KCNIP4: variants seen among roughly 807,000 people sequenced by gnomAD.
KCNIP4 encodes the protein potassium voltage-gated channel interacting protein 4.
In KCNIP4, 12 loss-of-function variants were observed where a neutral mutation model predicts 34.0. That is an observed-to-expected ratio of 0.35 (90% CI 0.23 to 0.57). The LOEUF (loss-of-function observed/expected upper bound fraction) is 0.57. Among genes scored for constraint, KCNIP4 ranks in the 20% least tolerant of loss-of-function variants. KCNIP4 has a pLI of 0.83. For missense variants in KCNIP4, 238 were observed against 311.7 expected (o/e 0.76, Z 1.78); for synonymous variants, 124 against 102.2 (o/e 1.21, Z -1.29).
At chr4:21,176,816 C>T (rs1006784430) in intron 1 of KCNIP4, among the ~76,000 whole-genome samples, 2 of 152,194 alleles carry the variant, frequency 1.3e-5, no homozygotes, top group Non-Finnish European at 2.9e-5. Context: ...CCACCATGCC[C>T]GGCCTTGTTC....
At chr4:21,630,315 A>G (rs1745662534) in intron 1 of KCNIP4, among the ~76,000 whole-genome samples, 1 of 151,958 alleles carries the variant, frequency 6.6e-6, no homozygotes, top group Non-Finnish European at 1.5e-5. Context: ...AAATACAAAA[A>G]TTAGCTGGGC....
chr4:20,922,460 G>C (rs775133165), intron 1 of KCNIP4, among the ~76,000 whole-genome samples: 19 of 152,080 alleles, frequency 1.2e-4, no homozygotes, highest in Admixed American at 1.2e-3. Context: ...TGGCTATCCT[G>C]GTTTGCCAGC....
chr4:21,038,948 G>A (rs138397068), intron 1 of KCNIP4, among the ~76,000 whole-genome samples: 142 of 152,274 alleles, frequency 9.3e-4, no homozygotes, highest in African/African-American at 3.3e-3. Context: ...TCCTGTGAAG[G>A]CTGGCATCCA....
chr4:21,911,360 A>G (rs1286231216), intron 1 of KCNIP4, among the ~76,000 whole-genome samples: 1 of 152,138 alleles, frequency 6.6e-6, no homozygotes, highest in Non-Finnish European at 1.5e-5. Flanking sequence ...TTTACAAAGA[A>G]AAAGAAAACT....
rs1717669450 is a variant in KCNIP4 at position 21,757,203 on chromosome 4, GAAAGAAAGAAA to G, written c.61+191357_61+191367del. On this transcript the variant is annotated intron_variant, in intron 1 of 8. Coordinates refer to ENST00000382152, the MANE Select transcript of KCNIP4 (RefSeq NM_025221.6). ...GGAAGGAAGGAAGGAAGGAAGGAAAGAAAGAAAGAAAGAAAGAAAGAAAGAAAGAAAGAAAG... is the reference window on the plus strand; with the variant it reads ...GGAAGGAAGGAAGGAAGGAAGGAAAGGAAAGAAAGAAAGAAAGAAAGAAAG... 3.6e-3 allele frequency among the ~76,000 whole-genome samples: 65 copies of G among 18,052 alleles called. 1 individual carries two copies. The highest frequency in any genetic ancestry group is 0.018 in the Admixed American group (34 of 1,922). The allele number at this position is 18,052 out of a possible 152,430, so 11.8% of individuals were successfully genotyped here.
At chr4:21,678,020 G>A (rs1270017659) in intron 1 of KCNIP4, among the ~76,000 whole-genome samples, 1 of 152,146 alleles carries the variant, frequency 6.6e-6, no homozygotes, top group African/African-American at 2.4e-5. Context: ...CCAAAGTGCT[G>A]GGACTACAGG....
At chr4:21,912,382 T>C (rs1414008899) in intron 1 of KCNIP4, among the ~76,000 whole-genome samples, 1 of 152,224 alleles carries the variant, frequency 6.6e-6, no homozygotes, top group Non-Finnish European at 1.5e-5. Context: ...AGTCTCCATA[T>C]TAAGTGTCAG....
chr4:21,904,837 C>A (rs1727906249), intron 1 of KCNIP4, among the ~76,000 whole-genome samples: 1 of 152,100 alleles, frequency 6.6e-6, no homozygotes, highest in South Asian at 2.1e-4. Context: ...GTCACAACAA[C>A]CATAAACATC....
chr4:20,896,862 G>A (rs1726590494), intron 1 of KCNIP4, among the ~76,000 whole-genome samples: 1 of 151,712 alleles, frequency 6.6e-6, no homozygotes, highest in African/African-American at 2.4e-5. Context: ...ATAGAACAAT[G>A]TCTGCACACA....
At chr4:21,512,180 GGAACGAAC>G (rs1369898525) in intron 1 of KCNIP4, among the ~76,000 whole-genome samples, 5 of 140,580 alleles carry the variant, frequency 3.6e-5, no homozygotes, top group Non-Finnish European at 7.5e-5. Context: ...GAGGAAGGAA[GGAACGAAC>G]GAAGGAACGA....
intron 1 of KCNIP4, among the ~76,000 whole-genome samples, chr4:21,137,552 T>A (rs995892294): frequency 2.6e-5 from 4 of 152,214 alleles, no homozygotes; most frequent in African/African-American, 9.6e-5. Context: ...TAGCATCTTA[T>A]CATCTAGTCA....
intron 1 of KCNIP4, among the ~76,000 whole-genome samples, chr4:21,046,935 T>G (rs1742481854): frequency 6.6e-6 from 1 of 152,222 alleles, no homozygotes; most frequent in African/African-American, 2.4e-5. Flanking sequence ...GTTGTTTGTT[T>G]TAAGACGAAG....
chr4:21,655,258 C>T (rs1457959636), intron 1 of KCNIP4, among the ~76,000 whole-genome samples: 2 of 152,146 alleles, frequency 1.3e-5, no homozygotes, highest in African/African-American at 4.8e-5. Flanking sequence ...CCATATGCCT[C>T]GGTGGCTGAG....
In KCNIP4 at chr4:20,985,852, A is replaced by ACTAGAAGTATT. The variant is rs1175472359; in HGVS notation, c.62-103154_62-103144dup. Among the ~76,000 whole-genome samples the ACTAGAAGTATT allele has an allele frequency of 2.6e-5, 4 of 152,202 alleles. 1 individual carries two copies. The highest frequency in any genetic ancestry group is 9.7e-5 in the African/African-American group (4 of 41,448). ...GTCCATAATGGTAACCTGAATCATT[A>ACTAGAAGTATT]CTAGAAGTATTATAGTATACCATGC... On this transcript the variant is annotated intron_variant, in intron 1 of 8. Coordinates refer to ENST00000382152, the MANE Select transcript of KCNIP4 (RefSeq NM_025221.6).
At chr4:21,813,604 A>G (rs886735285) in intron 1 of KCNIP4, among the ~76,000 whole-genome samples, 4 of 152,206 alleles carry the variant, frequency 2.6e-5, no homozygotes, top group African/African-American at 7.2e-5. Context: ...ATAAAGAAAC[A>G]TAAGTAAATG....
chr4:21,808,099 T>C (rs1721411155), intron 1 of KCNIP4, among the ~76,000 whole-genome samples: 1 of 152,228 alleles, frequency 6.6e-6, no homozygotes, highest in Non-Finnish European at 1.5e-5. Context: ...CATATGTATA[T>C]CATATATCAT....
chr4:21,823,839 C>G (rs752124402), intron 1 of KCNIP4, among the ~76,000 whole-genome samples: 1 of 152,130 alleles, frequency 6.6e-6, no homozygotes, highest in Non-Finnish European at 1.5e-5. Context: ...AAAAAAATGA[C>G]CACCGATTTT....
chr4:21,921,195 C>A (rs115703180), intron 1 of KCNIP4, among the ~76,000 whole-genome samples: 1 of 152,018 alleles, frequency 6.6e-6, no homozygotes, highest in Admixed American at 6.6e-5. Context: ...TCAGCTGTCA[C>A]GCCTTCCTTC....
intron 1 of KCNIP4, among the ~76,000 whole-genome samples, chr4:21,811,749 C>T (rs1313228679): frequency 6.6e-6 from 1 of 152,156 alleles, no homozygotes; most frequent in Non-Finnish European, 1.5e-5. Flanking sequence ...TGTGGAATGA[C>T]AGGATAAAGG....
Sources: gnomAD v4.1 joint callset for allele counts (sites outside exome capture counted in the v4.1 genomes callset) on GRCh38, gnomAD v4.1.1 for gene constraint, MANE v1.5 for transcripts, NCBI Gene and HGNC (gene_info 2026-07-23, HGNC 2026-07-21) for gene names.